DGCR2: variants seen among roughly 807,000 people sequenced by gnomAD.
DGCR2 encodes integral membrane protein DGCR2/IDD.
DGCR2 carries 24 observed loss-of-function variants against 51.6 expected under a neutral mutation model. The ratio of observed to expected loss-of-function variants is 0.47; its 90% confidence interval spans 0.34 to 0.65. The LOEUF is 0.65. Ranked by LOEUF, DGCR2 falls within the 30% of genes least tolerant of loss-of-function variation. The probability of loss-of-function intolerance (pLI) is 0.01; values close to 1 mark genes in which losing one functional copy is unlikely to be tolerated. For synonymous variants in DGCR2, 340 were observed against 315.4 expected (o/e 1.08, Z -0.82); for missense variants, 765 against 772.1 (o/e 0.99, Z 0.11).
intron 3 of DGCR2, 107 bp downstream of exon 3, chr22:19,067,992 AG>A: frequency 7.2e-7 from 1 of 1,393,794 alleles, no homozygotes; most frequent in Non-Finnish European, 9.3e-7. Flanking sequence ...CTGGCCTCCA[AG>A]GGCTGCTTTG....
At chr22:19,099,740 G>T (rs988988320) in intron 1 of DGCR2, among the ~76,000 whole-genome samples, 2 of 151,450 alleles carry the variant, frequency 1.3e-5, no homozygotes, top group African/African-American at 4.8e-5. Flanking sequence ...GGAGGCCAAG[G>T]CACGTGGATC....
At chr22:19,062,163 C>A (rs528354754) in intron 5 of DGCR2, among the ~76,000 whole-genome samples, 1 of 152,232 alleles carries the variant, frequency 6.6e-6, no homozygotes, top group Non-Finnish European at 1.5e-5. Flanking sequence ...CAATAGCAAT[C>A]TAAACAATGC....
At chr22:19,049,683 C>T (rs1259205453) in intron 6 of DGCR2, among the ~76,000 whole-genome samples, 2 of 152,010 alleles carry the variant, frequency 1.3e-5, no homozygotes, top group South Asian at 2.1e-4. Flanking sequence ...AAAAATTAGC[C>T]AAGCGTGGTG....
At chr22:19,062,087 G>T (rs543115011) in intron 5 of DGCR2, among the ~76,000 whole-genome samples, 5 of 152,182 alleles carry the variant, frequency 3.3e-5, no homozygotes, top group Admixed American at 6.5e-5. Flanking sequence ...AAGCTACCAG[G>T]ATAATTATGC....
At chr22:19,063,056 C>G in intron 5 of DGCR2, 146 bp downstream of exon 5, 1 of 707,216 alleles carries the variant, frequency 1.4e-6, no homozygotes, top group Non-Finnish European at 2.4e-6. Context: ...CCCATGACCG[C>G]AGCCCTCCCT....
At chr22:19,088,971 G>A (rs1388705229) in intron 2 of DGCR2, among the ~76,000 whole-genome samples, 1 of 152,150 alleles carries the variant, frequency 6.6e-6, no homozygotes, top group African/African-American at 2.4e-5. Context: ...GCGTGCCAAG[G>A]CCAGTCTAAA....
At chr22:19,073,161 G>A (rs2082835452) in intron 2 of DGCR2, among the ~76,000 whole-genome samples, 1 of 152,106 alleles carries the variant, frequency 6.6e-6, no homozygotes, top group African/African-American at 2.4e-5. Context: ...CTACTCAGGA[G>A]GATGACACAA....
intron 2 of DGCR2, among the ~76,000 whole-genome samples, chr22:19,079,498 C>G (rs985406040): frequency 1.3e-5 from 2 of 152,118 alleles, no homozygotes; most frequent in African/African-American, 4.8e-5. Context: ...TATGGTGGAA[C>G]GAGAACCTGG....
intron 2 of DGCR2, 115 bp downstream of exon 2, chr22:19,089,253 C>G (rs1461476707): frequency 1.6e-6 from 2 of 1,223,276 alleles, no homozygotes; most frequent in Non-Finnish European, 2.2e-6. Flanking sequence ...TCGGCTCAAA[C>G]TAACTTTCCA....
intron 7 of DGCR2, among the ~76,000 whole-genome samples, chr22:19,044,240 C>T (rs1351365339): frequency 1.3e-5 from 2 of 152,084 alleles, no homozygotes; most frequent in Non-Finnish European, 2.9e-5. Flanking sequence ...AGCCAGAGGC[C>T]AGCCCAGGGG....
At chr22:19,074,934 C>T (rs2082858275) in intron 2 of DGCR2, among the ~76,000 whole-genome samples, 1 of 152,240 alleles carries the variant, frequency 6.6e-6, no homozygotes, top group South Asian at 2.1e-4. Flanking sequence ...TGCAGCTGCA[C>T]AAGGAGGTAA....
chr22:19,108,524 G>A (rs1433460556), intron 1 of DGCR2, among the ~76,000 whole-genome samples: 3 of 141,516 alleles, frequency 2.1e-5, no homozygotes, highest in African/African-American at 2.6e-5. Context: ...GCAGTGAGCT[G>A]TGATCCCACC....
chr22:19,091,232 G>A (rs1172627758), intron 1 of DGCR2, among the ~76,000 whole-genome samples: 1 of 152,120 alleles, frequency 6.6e-6, no homozygotes. Flanking sequence ...TGGGACAAAC[G>A]CCTATAGTCC....
chr22:19,088,051 C>A (rs143606156), intron 2 of DGCR2, among the ~76,000 whole-genome samples: 1 of 152,128 alleles, frequency 6.6e-6, no homozygotes, highest in Non-Finnish European at 1.5e-5. Flanking sequence ...TTGGAACCCC[C>A]CCTCAAAGAA....
At chr22:19,054,383 C>A (rs5993483) in intron 6 of DGCR2, among the ~76,000 whole-genome samples, 62,776 of 152,014 alleles carry the variant, frequency 0.41, 13,407 homozygotes, top group African/African-American at 0.53. Context: ...AAAGGAAGTT[C>A]CTTGTATTAT....
chr22:19,102,835 A>T (rs1368571584), intron 1 of DGCR2, among the ~76,000 whole-genome samples: 1 of 152,006 alleles, frequency 6.6e-6, no homozygotes, highest in Non-Finnish European at 1.5e-5. Context: ...GTGAGACCTC[A>T]TCTCCACAAA....
chr22:19,105,725 T>C (rs1421407382), intron 1 of DGCR2, among the ~76,000 whole-genome samples: 4 of 151,978 alleles, frequency 2.6e-5, no homozygotes, highest in African/African-American at 9.7e-5. Flanking sequence ...AGAGCAGACC[T>C]GGGAGGGCAG....
At chr22:19,093,970 C>T (rs961258974) in intron 1 of DGCR2, among the ~76,000 whole-genome samples, 2 of 151,978 alleles carry the variant, frequency 1.3e-5, no homozygotes, top group African/African-American at 4.8e-5. Flanking sequence ...TGCAATGCTG[C>T]ACTCCAGCTT....
chr22:19,056,918 C>T (rs2082609922), intron 6 of DGCR2, 68 bp downstream of exon 6: 1 of 1,474,384 alleles, frequency 6.8e-7, no homozygotes, highest in African/African-American at 1.4e-5. Context: ...AAACCTTGAA[C>T]TCAGGGTCCA....
Sources: gnomAD v4.1 joint callset for allele counts (sites outside exome capture counted in the v4.1 genomes callset) on GRCh38, gnomAD v4.1.1 for gene constraint, MANE v1.5 for transcripts, NCBI Gene and HGNC (gene_info 2026-07-23, HGNC 2026-07-21) for gene names.